PARL: variants seen among roughly 807,000 people sequenced by gnomAD.
The protein encoded by PARL is presenilin-associated rhomboid-like protein, mitochondrial.
PARL carries 44 observed loss-of-function variants against 51.6 expected under a neutral mutation model. The observed-to-expected ratio is 0.85, with a 90% CI of 0.67 to 1.10. PARL has a LOEUF of 1.10. PARL is among the 50% of genes least tolerant of loss of function. PARL has a pLI of 0.00. For synonymous variants in PARL, 172 were observed against 164.0 expected (o/e 1.05, Z -0.37); for missense variants, 441 against 469.5 (o/e 0.94, Z 0.56).
In PARL at chr3:183,868,011, TC is replaced by T. The variant is rs1732737550; in HGVS notation, c.174del (p.Lys59ArgfsTer21). 1 of 1,614,220 alleles carries T rather than the reference TC, an allele frequency of 6.2e-7. No individual in the cohort carries two copies. The highest frequency in any genetic ancestry group is 2.2e-5 in the East Asian group (1 of 44,878). On this transcript the variant is annotated frameshift_variant, in exon 2 of 10. Coordinates refer to ENST00000317096, the MANE Select transcript of PARL (RefSeq NM_018622.7). LOFTEE classifies it high-confidence loss of function. ...QQKCGFRKAP[R>X]KVEPRRSDPG... ...GGGTCTGATCTTCGAGGTTCAACCT[TC>T]CTGGGTGCTTTTCTGAATCCGCATT...
chr3:183,859,905 T>C (rs1577346637), intron 4 of PARL, among the ~76,000 whole-genome samples: 1 of 152,176 alleles, frequency 6.6e-6, no homozygotes, highest in Admixed American at 6.6e-5. Flanking sequence ...ATGAAGTGTT[T>C]GGTGTAGCAG....
chr3:183,876,297 T>C (rs1050413338), intron 1 of PARL, among the ~76,000 whole-genome samples: 3 of 152,178 alleles, frequency 2.0e-5, no homozygotes, highest in Non-Finnish European at 4.4e-5. Flanking sequence ...TCCGCCCGTG[T>C]TGGCCTCCCA....
At chr3:183,827,113 G>A (rs1171948737), downstream of PARL, among the ~76,000 whole-genome samples, 1 of 151,968 alleles carries the variant, frequency 6.6e-6, no homozygotes, top group East Asian at 1.9e-4. Context: ...TTCAGCTGAG[G>A]TAGCAGACCA....
At chr3:183,867,686 T>C (rs1324596454) in intron 2 of PARL, among the ~76,000 whole-genome samples, 179 bp downstream of exon 2, 6 of 145,556 alleles carry the variant, frequency 4.1e-5, no homozygotes, top group Admixed American at 7.0e-5. Context: ...GGCGACAGAG[T>C]GAGACTCCGT....
At chr3:183,884,630 C>A (rs1197252929) in intron 1 of PARL, 92 bp downstream of exon 1, 17 of 1,313,116 alleles carry the variant, frequency 1.3e-5, no homozygotes, top group Admixed American at 2.0e-5. Context: ...CTGGGGCCAG[C>A]ACAAGAGGCC....
chr3:183,864,987 T>C (rs1732298863), intron 3 of PARL, among the ~76,000 whole-genome samples: 3 of 148,406 alleles, frequency 2.0e-5, no homozygotes. Context: ...GGTGTGTAAA[T>C]ATCATGTCAC....
At chr3:183,865,911 G>T (rs6781383) in intron 3 of PARL, among the ~76,000 whole-genome samples, 15 of 147,702 alleles carry the variant, frequency 1.0e-4, no homozygotes, top group African/African-American at 3.8e-4. Flanking sequence ...ATGAGTTCTC[G>T]CTCTGTCACC....
chr3:183,833,779 G>T lies in PARL; in HGVS notation c.875C>A (p.Pro292Gln), dbSNP rs766014244. The change falls in exon 8 of 10, where the codon CCA (proline) becomes CAA (glutamine). Residue 292 changes from proline to glutamine, a missense_variant. Transcript: ENST00000317096. ...TVLAAVCTKI[P>Q]EGRLAIIFLP... ...GAAAATAATGGCAAGCCTCCCTTCT[G>T]GGATCTTAGTGCAGACAGCTGCGAG... is the stretch of plus-strand genomic sequence containing the variant. 15 of 1,613,564 alleles carry T rather than the reference G, an allele frequency of 9.3e-6. 1 individual carries two copies. The South Asian group carries it at 1.6e-4, about 18-fold the overall frequency.
chr3:183,864,637 G>A (rs948949535), intron 3 of PARL, among the ~76,000 whole-genome samples: 9 of 151,998 alleles, frequency 5.9e-5, no homozygotes, highest in Non-Finnish European at 1.3e-4. Flanking sequence ...TTAGCCGGGC[G>A]TGGTGGCGGG....
In PARL at chr3:183,833,831, A is replaced by G. The variant is rs1400817461; in HGVS notation, c.829-6T>C. On this transcript the variant is annotated splice_region_variant and splice_polypyrimidine_tract_variant and intron_variant, in intron 7 of 9. Coordinates refer to ENST00000317096, the MANE Select transcript of PARL (RefSeq NM_018622.7). The stretch of plus-strand genomic sequence containing the variant: ...ACTGTCATGATGGCACCAGACTGCA[A>G]AGTAACACAGCAGGGAGAATGGGAA... 5.1e-6 allele frequency: 8 copies of G among 1,579,972 alleles called. No individual in the cohort carries two copies. In the Admixed American group the frequency reaches 1.3e-4, roughly 26 times the overall value.
Position 183,882,225 on chromosome 3 carries a change from ATATATATATATAT to A in PARL, c.125+2484_125+2496del, listed in dbSNP as rs1734552269. Among the ~76,000 whole-genome samples, 3 of 78,234 alleles carry A rather than the reference ATATATATATATAT, an allele frequency of 3.8e-5. No individual in the cohort carries two copies. In the East Asian group the frequency reaches 1.5e-3, roughly 40 times the overall value. The allele number at this position is 78,234 out of a possible 152,430, so 51.3% of individuals were successfully genotyped here. A position where few individuals can be genotyped will look rare whatever the true frequency, so the allele number is the denominator to read the frequency against. On this transcript the variant is annotated intron_variant, in intron 1 of 9. Coordinates refer to ENST00000317096, the MANE Select transcript of PARL (RefSeq NM_018622.7). ...TCTCTAAAAAAAAAAAAAAAAAAAT[ATATATATATATAT>A]ATATATTTATATATATATATATATA...
At chr3:183,854,816 A>G (rs1730962357) in intron 4 of PARL, among the ~76,000 whole-genome samples, 1 of 151,894 alleles carries the variant, frequency 6.6e-6, no homozygotes, top group South Asian at 2.1e-4. Context: ...CCGAGAAATG[A>G]AAACATATGT....
chr3:183,877,567 C>T (rs1251587052), intron 1 of PARL, among the ~76,000 whole-genome samples: 1 of 152,022 alleles, frequency 6.6e-6, no homozygotes, highest in South Asian at 2.1e-4. Context: ...ACGTGGCGAA[C>T]TTCATGTTGT....
At chr3:183,872,674 T>C (rs1479949396) in intron 1 of PARL, among the ~76,000 whole-genome samples, 2 of 152,178 alleles carry the variant, frequency 1.3e-5, no homozygotes, top group Non-Finnish European at 2.9e-5. Context: ...TCTTCACTTT[T>C]CCAGGCTCCC....
At chr3:183,847,942 T>C (rs1305552607) in intron 4 of PARL, among the ~76,000 whole-genome samples, 2 of 152,242 alleles carry the variant, frequency 1.3e-5, no homozygotes, top group Non-Finnish European at 2.9e-5. Context: ...CACCTGCTTC[T>C]TCCTGACTCG....
chr3:183,877,585 TAAGA>T (rs1733991774), intron 1 of PARL, among the ~76,000 whole-genome samples: 1 of 151,998 alleles, frequency 6.6e-6, no homozygotes, highest in Admixed American at 6.6e-5. Context: ...TGTCTTATTT[TAAGA>T]AATTGCCACC....
chr3:183,862,716 T>C, intron 4 of PARL, 37 bp downstream of exon 4: 2 of 1,566,802 alleles, frequency 1.3e-6, no homozygotes, highest in Non-Finnish European at 1.8e-6. Flanking sequence ...TGATTTCTCT[T>C]CCCTTGAATG....
At position 183,884,857 on chromosome 3, in the gene PARL, T is replaced by C. The variant is rs761934899; in HGVS notation, c.-11A>G. 4.4e-6 allele frequency: 7 copies of C among 1,596,762 alleles called. No homozygotes were observed. The highest frequency in any genetic ancestry group is 5.9e-6 in the Non-Finnish European group (7 of 1,179,392). On this transcript the variant is annotated 5_prime_UTR_variant, in exon 1 of 10. Coordinates refer to ENST00000317096, the MANE Select transcript of PARL (RefSeq NM_018622.7). The stretch of plus-strand genomic sequence containing the variant: ...GCCTCGCCACGCCATCTTCCCAACC[T>C]CTGCCCCACCATGGCCCGACCTTAC...
rs185369745 is a variant in PARL at position 183,864,602 on chromosome 3, C to T, written c.463-1801G>A. Among the ~76,000 whole-genome samples the T allele has an allele frequency of 1.4e-3, 214 of 152,050 alleles. 2 individuals carry two copies. The highest frequency in any genetic ancestry group is 5.0e-3 in the African/African-American group (206 of 41,502). ...CCATCCTGGCTAACACGGTGAAACCCCGTCTCTACCAAAAATACAAAAAAT... is the reference window on the plus strand; with the variant it reads ...CCATCCTGGCTAACACGGTGAAACCTCGTCTCTACCAAAAATACAAAAAAT... On this transcript the variant is annotated intron_variant, in intron 3 of 9. Transcript: ENST00000317096.
Sources: gnomAD v4.1 joint callset for allele counts (sites outside exome capture counted in the v4.1 genomes callset) on GRCh38, gnomAD v4.1.1 for gene constraint, MANE v1.5 for transcripts, NCBI Gene and HGNC (gene_info 2026-07-23, HGNC 2026-07-21) for gene names.